EDNRB: variants seen among roughly 807,000 people sequenced by gnomAD.
EDNRB encodes the protein endothelin receptor type B.
Under a neutral mutation model 46.4 loss-of-function variants are expected in EDNRB, and 18 were observed. The observed-to-expected ratio is 0.39, with a 90% CI of 0.27 to 0.57. The LOEUF (loss-of-function observed/expected upper bound fraction) is 0.57. Ranked by LOEUF, EDNRB falls within the 20% of genes least tolerant of loss-of-function variation. EDNRB has a pLI of 0.61. For synonymous variants in EDNRB, 213 were observed against 204.9 expected (o/e 1.04, Z -0.34); for missense variants, 434 against 537.5 (o/e 0.81, Z 1.90).
At chr13:77,952,701 T>C (rs1881125740) in intron 1 of EDNRB, among the ~76,000 whole-genome samples, 2 of 152,204 alleles carry the variant, frequency 1.3e-5, no homozygotes, top group South Asian at 4.1e-4. Context: ...AATGTGAATA[T>C]GTTTTTAAGT....
chr13:77,953,380 A>C (rs903836094), intron 1 of EDNRB, among the ~76,000 whole-genome samples: 5 of 151,322 alleles, frequency 3.3e-5, no homozygotes, highest in Non-Finnish European at 5.9e-5. Context: ...ATATATATAT[A>C]TATCTTTTAT....
At chr13:77,938,255 C>T (rs750587477) in intron 1 of EDNRB, among the ~76,000 whole-genome samples, 31 of 151,328 alleles carry the variant, frequency 2.0e-4, no homozygotes, top group Middle Eastern at 3.4e-3. Context: ...TCCAGAAAAG[C>T]GGGAAAGGAG....
chr13:77,963,848 A>G (rs1372271799), intron 1 of EDNRB, among the ~76,000 whole-genome samples: 1 of 152,216 alleles, frequency 6.6e-6, no homozygotes, highest in Non-Finnish European at 1.5e-5. Flanking sequence ...ACAGAATGGG[A>G]GAAAATTTTT....
At chr13:77,905,872 G>A (rs1879249075) in intron 1 of EDNRB, among the ~76,000 whole-genome samples, 1 of 151,986 alleles carries the variant, frequency 6.6e-6, no homozygotes, top group Non-Finnish European at 1.5e-5. Context: ...CAAATGCATG[G>A]AAAATGAAGT....
At position 77,958,863 on chromosome 13, in the gene EDNRB, TCTTA is replaced by T. The variant is rs968999606; in HGVS notation, c.-52+16480_-52+16483del. ...TGTATTTACTAAGATATCACCATCT[TCTTA>T]CTTCATTCTATCTGATCTGAGCACC... On this transcript the variant is annotated intron_variant, in intron 1 of 7. Transcript: ENST00000646948. Among the ~76,000 whole-genome samples the T allele has an allele frequency of 1.8e-4, 27 of 152,330 alleles. 1 individual carries two copies. The highest frequency in any genetic ancestry group is 6.3e-4 in the African/African-American group (26 of 41,576).
At chr13:77,971,572 G>C (rs907281018) in intron 1 of EDNRB, among the ~76,000 whole-genome samples, 7 of 149,472 alleles carry the variant, frequency 4.7e-5, no homozygotes, top group Admixed American at 1.3e-4. Context: ...CCAGGGCTGG[G>C]GCCAACATGA....
At chr13:77,908,240 CT>C (rs1034159431) in intron 1 of EDNRB, among the ~76,000 whole-genome samples, 1 of 151,872 alleles carries the variant, frequency 6.6e-6, no homozygotes, top group African/African-American at 2.4e-5. Flanking sequence ...CTCTGCCTCA[CT>C]GATCAGAAGG....
Position 77,956,709 on chromosome 13 carries a change from G to A in EDNRB, c.-52+18638C>T, listed in dbSNP as rs191418993. Among the ~76,000 whole-genome samples, 345 of 152,304 alleles carry A rather than the reference G, an allele frequency of 2.3e-3. 2 individuals carry two copies. Among genetic ancestry groups the A allele is most frequent in the African/African-American group, 8.2e-3 (341 of 41,566 alleles). On this transcript the variant is annotated intron_variant, in intron 1 of 7. Transcript: ENST00000646948. ...AATCAAGGCTGTGTTCCTTTCTGGA[G>A]GCTATAAGAGAATATTAGTTGCTTG... is the stretch of plus-strand genomic sequence containing the variant.
At chr13:77,916,418 T>C (rs1380012992) in intron 1 of EDNRB, among the ~76,000 whole-genome samples, 1 of 152,146 alleles carries the variant, frequency 6.6e-6, no homozygotes, top group East Asian at 1.9e-4. Flanking sequence ...CATTTAGAGA[T>C]TCAATTTCAG....
chr13:77,919,577 C>T, upstream of EDNRB: 1 of 1,611,844 alleles, frequency 6.2e-7, no homozygotes, highest in South Asian at 1.1e-5. Flanking sequence ...ACCGTTTGCT[C>T]GGGGTCTCTG....
intron 1 of EDNRB, among the ~76,000 whole-genome samples, chr13:77,942,798 T>A (rs1349859603): frequency 1.3e-5 from 2 of 151,646 alleles, no homozygotes; most frequent in African/African-American, 2.4e-5. Context: ...AAAGAAGCAT[T>A]TTCAAGAACA....
chr13:77,907,857 G>A (rs1181989084), intron 1 of EDNRB, among the ~76,000 whole-genome samples: 1 of 151,538 alleles, frequency 6.6e-6, no homozygotes, highest in Non-Finnish European at 1.5e-5. Flanking sequence ...TACCACTGGA[G>A]GCCTGCAGCC....
At chr13:77,931,754 A>C (rs1161142656) in intron 1 of EDNRB, among the ~76,000 whole-genome samples, 24 of 138,268 alleles carry the variant, frequency 1.7e-4, no homozygotes, top group Admixed American at 5.2e-4. Flanking sequence ...CAAAAAAAAA[A>C]AAAAAACAAA....
chr13:77,935,083 A>ATAT (rs1399361609), intron 1 of EDNRB, among the ~76,000 whole-genome samples: 2 of 151,944 alleles, frequency 1.3e-5, no homozygotes, highest in Non-Finnish European at 2.9e-5. Context: ...GGGGAGCAGA[A>ATAT]AGTATATGTG....
At chr13:77,938,429 TG>T (rs937319044) in intron 1 of EDNRB, among the ~76,000 whole-genome samples, 7 of 141,942 alleles carry the variant, frequency 4.9e-5, no homozygotes, top group East Asian at 2.1e-4. Context: ...AAGAAGGGGT[TG>T]GGGGGTTCTT....
At chr13:77,940,705 GT>G (rs1880720355) in intron 1 of EDNRB, among the ~76,000 whole-genome samples, 2 of 21,152 alleles carry the variant, frequency 9.5e-5, no homozygotes, top group Admixed American at 4.3e-4. Context: ...AATTGGGTGT[GT>G]GTGTGTGTGT....
intron 1 of EDNRB, among the ~76,000 whole-genome samples, chr13:77,973,882 A>G (rs922456982): frequency 2.6e-5 from 4 of 151,854 alleles, no homozygotes; most frequent in African/African-American, 9.7e-5. Flanking sequence ...TTATTTCAGG[A>G]CAAGAATTTA....
intron 1 of EDNRB, among the ~76,000 whole-genome samples, chr13:77,945,509 G>A (rs1880877303): frequency 6.6e-6 from 1 of 152,092 alleles, no homozygotes; most frequent in Non-Finnish European, 1.5e-5. Context: ...AGGGAAAAAT[G>A]GTCACAACAA....
At chr13:77,924,812 G>A (rs1371907855) in intron 1 of EDNRB, among the ~76,000 whole-genome samples, 1 of 152,080 alleles carries the variant, frequency 6.6e-6, no homozygotes, top group Non-Finnish European at 1.5e-5. Context: ...GATAGTGAAT[G>A]GGTCTCACGA....
Sources: allele counts gnomAD v4.1 joint callset (sites outside exome capture counted in the v4.1 genomes callset), GRCh38; gene constraint gnomAD v4.1.1; transcripts MANE v1.5; gene names NCBI Gene and HGNC (gene_info 2026-07-23, HGNC 2026-07-21).